EPB41L4A: variants seen among roughly 807,000 people sequenced by gnomAD.
The protein encoded by EPB41L4A is erythrocyte membrane protein band 4.1 like 4A, also known as band 4.1-like protein 4A.
Under a neutral mutation model 108.6 loss-of-function variants are expected in EPB41L4A, and 100 were observed. The ratio of observed to expected loss-of-function variants is 0.92; its 90% CI spans 0.78 to 1.09. EPB41L4A has a LOEUF of 1.09. Among genes scored for constraint, EPB41L4A ranks in the 50% least tolerant of loss-of-function variants. The pLI is 0.00. For missense variants in EPB41L4A, 1,030 were observed against 842.7 expected (o/e 1.22, Z -2.75); for synonymous variants, 319 against 289.0 (o/e 1.10, Z -1.05).
intron 2 of EPB41L4A, among the ~76,000 whole-genome samples, chr5:112,283,317 G>T (rs1753080669): frequency 1.3e-5 from 2 of 152,066 alleles, no homozygotes; most frequent in South Asian, 4.1e-4. Flanking sequence ...AAATGCCCAA[G>T]AACATAAATA....
chr5:112,211,626 T>A (rs1351862462), intron 12 of EPB41L4A, among the ~76,000 whole-genome samples: 1 of 150,082 alleles, frequency 6.7e-6, no homozygotes, highest in Non-Finnish European at 1.5e-5. Context: ...GTGAAAGTGA[T>A]GTTCAATGAG....
intron 2 of EPB41L4A, among the ~76,000 whole-genome samples, chr5:112,281,829 G>C (rs1414939783): frequency 1.3e-5 from 2 of 152,016 alleles, no homozygotes; most frequent in African/African-American, 4.8e-5. Context: ...TGAATACTAT[G>C]ACTATGAATA....
chr5:112,193,702 T>C (rs1761820389), intron 17 of EPB41L4A, among the ~76,000 whole-genome samples: 1 of 152,242 alleles, frequency 6.6e-6, no homozygotes, highest in Non-Finnish European at 1.5e-5. Flanking sequence ...GTGGCACTAC[T>C]GATATGTTTT....
chr5:112,361,866 A>C (rs899340370), intron 1 of EPB41L4A, among the ~76,000 whole-genome samples: 2 of 152,172 alleles, frequency 1.3e-5, no homozygotes, highest in African/African-American at 2.4e-5. Flanking sequence ...AGCCTGGTCA[A>C]CAGAGCAAGA....
intron 1 of EPB41L4A, among the ~76,000 whole-genome samples, chr5:112,320,839 A>G (rs1432899606): frequency 6.6e-6 from 1 of 152,158 alleles, no homozygotes; most frequent in Non-Finnish European, 1.5e-5. Context: ...TTCCCTGCTA[A>G]GTGGGAAATG....
chr5:112,406,205 A>G (rs1055248767), intron 1 of EPB41L4A, among the ~76,000 whole-genome samples: 67 of 152,324 alleles, frequency 4.4e-4, no homozygotes, highest in African/African-American at 1.5e-3. Context: ...AAGGGAAAAG[A>G]TCTATTAGCC....
chr5:112,169,216 A>G (rs1208113754), intron 20 of EPB41L4A, 111 bp from the exon 21 acceptor site: 28 of 778,366 alleles, frequency 3.6e-5, no homozygotes, highest in Non-Finnish European at 5.5e-5. Flanking sequence ...GAGTTTTAAA[A>G]AGAACTTGAC....
In EPB41L4A at chr5:112,264,890, T is replaced by C; in HGVS notation, c.554+6A>G. 1 of 1,608,546 alleles carries C rather than the reference T, an allele frequency of 6.2e-7. No homozygotes were observed. Reference sequence around the variant, plus strand: ...ATGCAATAAGACATGGTGTAATGATTCTTACATTAGAGTTTTATGAATCCT... The same window carrying C: ...ATGCAATAAGACATGGTGTAATGATCCTTACATTAGAGTTTTATGAATCCT... On this transcript the variant is annotated splice_donor_region_variant and intron_variant, in intron 6 of 22. Transcript: ENST00000261486.
intron 17 of EPB41L4A, among the ~76,000 whole-genome samples, chr5:112,193,932 C>T (rs897173507): frequency 6.6e-6 from 1 of 152,234 alleles, no homozygotes; most frequent in African/African-American, 2.4e-5. Context: ...ATCCCTCTGA[C>T]TCCCAAGGTG....
At chr5:112,205,565 T>A (rs1307242916) in intron 13 of EPB41L4A, 61 bp from the exon 14 acceptor site, 1 of 1,283,826 alleles carries the variant, frequency 7.8e-7, no homozygotes, top group Non-Finnish European at 1.1e-6. Context: ...TAAACTCACA[T>A]ACTTATTTGT....
At chr5:112,354,948 A>G (rs1256885076) in intron 1 of EPB41L4A, among the ~76,000 whole-genome samples, 1 of 152,234 alleles carries the variant, frequency 6.6e-6, no homozygotes, top group Non-Finnish European at 1.5e-5. Flanking sequence ...TCTGGAAAGA[A>G]GTATTTTATC....
intron 18 of EPB41L4A, among the ~76,000 whole-genome samples, chr5:112,177,688 C>T (rs994517087): frequency 2.6e-5 from 4 of 151,832 alleles, no homozygotes; most frequent in Non-Finnish European, 4.4e-5. Flanking sequence ...GCACAAAGCA[C>T]AAGTGGAGCT....
intron 12 of EPB41L4A, among the ~76,000 whole-genome samples, chr5:112,224,175 C>T (rs1305370551): frequency 1.3e-5 from 2 of 152,188 alleles, no homozygotes; most frequent in African/African-American, 4.8e-5. Context: ...TGGTCTTACA[C>T]TCCTGACCTT....
At chr5:112,404,505 A>C (rs1019935054) in intron 1 of EPB41L4A, among the ~76,000 whole-genome samples, 4 of 152,230 alleles carry the variant, frequency 2.6e-5, no homozygotes, top group African/African-American at 9.7e-5. Context: ...ATGGGATAAT[A>C]TTAGCATCAG....
intron 12 of EPB41L4A, chr5:112,228,636 T>C (rs933497816): frequency 2.2e-6 from 2 of 904,046 alleles, no homozygotes; most frequent in South Asian, 5.1e-5. Flanking sequence ...TAATTATGAA[T>C]TATATCCAAA....
chr5:112,390,573 C>T (rs940611681), intron 1 of EPB41L4A, among the ~76,000 whole-genome samples: 1 of 152,160 alleles, frequency 6.6e-6, no homozygotes, highest in Non-Finnish European at 1.5e-5. Context: ...CTCACTGCAG[C>T]TCAACGAGGC....
At chr5:112,278,988 G>A (rs550475426) in intron 3 of EPB41L4A, among the ~76,000 whole-genome samples, 9 of 147,326 alleles carry the variant, frequency 6.1e-5, no homozygotes, top group Non-Finnish European at 8.9e-5. Flanking sequence ...TTGCTTGAAC[G>A]CAGGAGGCAG....
intron 1 of EPB41L4A, among the ~76,000 whole-genome samples, chr5:112,415,928 C>T (rs141522351): frequency 2.0e-5 from 3 of 151,238 alleles, no homozygotes; most frequent in Non-Finnish European, 4.4e-5. Flanking sequence ...CAAATACCTC[C>T]GTAACATTAA....
chr5:112,317,489 CCTT>C (rs1430954580), intron 1 of EPB41L4A, among the ~76,000 whole-genome samples: 2 of 152,176 alleles, frequency 1.3e-5, no homozygotes, highest in East Asian at 3.8e-4. Context: ...ATCCTGAGCT[CCTT>C]CTAATACAGC....
Sources: allele counts gnomAD v4.1 joint callset (sites outside exome capture counted in the v4.1 genomes callset), GRCh38; gene constraint gnomAD v4.1.1; transcripts MANE v1.5; gene names NCBI Gene and HGNC (gene_info 2026-07-23, HGNC 2026-07-21).